ARMCX4: variants seen among roughly 807,000 people sequenced by gnomAD.
ARMCX4 encodes the protein armadillo repeat containing X-linked 4.
ARMCX4 carries 3 observed loss-of-function variants against 34.7 expected under a neutral mutation model. That is an observed-to-expected ratio of 0.09 (90% CI 0.04 to 0.22). The LOEUF is 0.22. Ranked by LOEUF, ARMCX4 falls within the 10% of genes least tolerant of loss-of-function variation. The probability of loss-of-function intolerance (pLI) is 1.00; values close to 1 mark genes in which losing one functional copy is unlikely to be tolerated. For missense variants in ARMCX4, 1,448 were observed against 1,720.8 expected (o/e 0.84, Z 2.81); for synonymous variants, 513 against 632.8 (o/e 0.81, Z 2.84).
chrX:101,432,784 A>G (rs1394114231), intron 2 of ARMCX4, among the ~76,000 whole-genome samples: 1 of 62,069 alleles, frequency 1.6e-5, no homozygotes, highest in Admixed American at 1.7e-4. Context: ...ACATATATGT[A>G]TATACACATA....
In ARMCX4 at chrX:101,421,925, C is replaced by T. The variant is rs186421211; in HGVS notation, n.164+2925C>T. On this transcript the variant is annotated intron_variant and non_coding_transcript_variant, in intron 2 of 3. Coordinates refer to the ARMCX4 transcript ENST00000430461. ...GAAGAAAGAGTAATTCACACACAGC[C>T]GGCTGTGCAGGAGACCAGAGTTTTG... is the stretch of plus-strand genomic sequence containing the variant. 7.5e-3 allele frequency among the ~76,000 whole-genome samples: 821 copies of T among 109,505 alleles called. 5 individuals are homozygous for T. The highest frequency in any genetic ancestry group is 0.024 in the African/African-American group (723 of 30,024).
intron 11 of ARMCX4, among the ~76,000 whole-genome samples, chrX:101,524,602 C>T (rs1934924265): frequency 8.9e-6 from 1 of 111,761 alleles, no homozygotes; most frequent in Admixed American, 9.4e-5. Flanking sequence ...CGGGACACTC[C>T]CGCCCTAATA....
At chrX:101,532,265 A>G (rs782283799) in intron 12 of ARMCX4, 1 of 111,407 alleles carries the variant, frequency 9.0e-6, no homozygotes, top group South Asian at 3.8e-4. Context: ...GGCCCTTTTC[A>G]CTATTGCACC....
chrX:101,439,461 T>C (rs1341975672), intron 2 of ARMCX4, among the ~76,000 whole-genome samples: 5 of 111,267 alleles, frequency 4.5e-5, no homozygotes, highest in Non-Finnish European at 9.4e-5. Context: ...TGTCTTGGAG[T>C]TGCTCTTCTT....
chrX:101,521,512 G>A (rs190032386), intron 11 of ARMCX4, among the ~76,000 whole-genome samples: 4 of 109,984 alleles, frequency 3.6e-5, no homozygotes, highest in Admixed American at 1.9e-4. Context: ...GCCAGACTTT[G>A]GTTCTATTGG....
At chrX:101,486,473 C>T (rs979858344) in intron 2 of ARMCX4, among the ~76,000 whole-genome samples, 4 of 110,385 alleles carry the variant, frequency 3.6e-5, no homozygotes, top group African/African-American at 6.6e-5. Flanking sequence ...TTGAAAGGGA[C>T]GTGGACAGCA....
chrX:101,514,588 T>C (rs1455793411), intron 11 of ARMCX4, among the ~76,000 whole-genome samples: 3 of 112,160 alleles, frequency 2.7e-5, no homozygotes, highest in Non-Finnish European at 5.6e-5. Flanking sequence ...GAATACCATA[T>C]AGTGAATAAA....
chrX:101,451,634 C>T (rs897993042), downstream of ARMCX4, among the ~76,000 whole-genome samples: 1 of 111,554 alleles, frequency 9.0e-6, no homozygotes, highest in African/African-American at 3.3e-5. Flanking sequence ...GCCTTCTATC[C>T]AGCCATCTTG....
Position 101,493,520 on chromosome X carries a change from G to C in ARMCX4, c.4931G>C (p.Gly1644Ala). ...SWAGTGNQSS[G>A]RSWIGPGDQA... is the part of the protein sequence containing the mutation. Reference sequence around the variant, plus strand: ...GCTGGCACTGGGAATCAGTCCAGTGGAAGGTCCTGGATTGGGCCTGGGGAT... The same window carrying C: ...GCTGGCACTGGGAATCAGTCCAGTGCAAGGTCCTGGATTGGGCCTGGGGAT... Residue 1644 changes from glycine to alanine, a missense_variant, in exon 6 of 6, where the codon GGA (glycine) becomes GCA (alanine). Physicochemically the swap from Gly to Ala is moderately conservative, Grantham distance 60 (BLOSUM62 0). Transcript: ENST00000423738. The C allele has an allele frequency of 3.5e-6, 4 of 1,155,271 alleles. No individual in the cohort carries two copies. Among genetic ancestry groups the C allele is most frequent in the Non-Finnish European group, 3.4e-6 (3 of 872,576 alleles).
At chrX:101,444,326 G>A (rs1931497744) in intron 3 of ARMCX4, among the ~76,000 whole-genome samples, 1 of 113,019 alleles carries the variant, frequency 8.8e-6, no homozygotes, top group Admixed American at 9.3e-5. Context: ...CATGACCTTG[G>A]TCTGCCATTA....
At position 101,494,029 on chromosome X, in the gene ARMCX4, G is replaced by GGGGCTGAGGCTC. The variant is rs1934089280; in HGVS notation, c.5451_5452insCGGGCTGAGGCT (p.Ala1817_Gly1818insArgAlaGluAla). 1.9e-5 allele frequency: 9 copies of GGGGCTGAGGCTC among 479,155 alleles called. No individual in the cohort carries two copies. The highest frequency in any genetic ancestry group is 4.4e-5 in the Admixed American group (1 of 22,878). The allele number at this position is 479,155 out of a possible 1,213,427, so 39.5% of individuals were successfully genotyped here. On this transcript the variant is annotated inframe_insertion, in exon 6 of 6. Transcript: ENST00000423738. ...CTGTGTAGGGGCTGAGGCTGGGGCT[G>GGGGCTGAGGCTC]GGGCTGAGGCTGGGGCTGGGGCTGA... is the stretch of plus-strand genomic sequence containing the variant.
At chrX:101,451,165 C>T (rs952392016), downstream of ARMCX4, among the ~76,000 whole-genome samples, 1 of 111,106 alleles carries the variant, frequency 9.0e-6, no homozygotes, top group Non-Finnish European at 1.9e-5. Context: ...TTGGCCTAGA[C>T]TGTCTTTCAA....
chrX:101,447,474 G>T (rs1555998293), downstream of ARMCX4: 1 of 111,829 alleles, frequency 8.9e-6, no homozygotes, highest in East Asian at 2.8e-4. Flanking sequence ...CCCTGACAAG[G>T]TTTCTCTTGA....
At chrX:101,502,204 A>G (rs914851496) in intron 7 of ARMCX4, among the ~76,000 whole-genome samples, 10 of 111,943 alleles carry the variant, frequency 8.9e-5, no homozygotes, top group Non-Finnish European at 1.7e-4. Context: ...CCACCAAGGT[A>G]TAAGGTTGAG....
intron 10 of ARMCX4, chrX:101,511,014 T>A (rs1342870509): frequency 9.0e-6 from 1 of 111,686 alleles, no homozygotes; most frequent in Non-Finnish European, 1.9e-5. Flanking sequence ...TATGATTTTT[T>A]AATTTTGTAG....
At chrX:101,515,343 T>TTTTC (rs782364891) in intron 11 of ARMCX4, among the ~76,000 whole-genome samples, 341 of 17,008 alleles carry the variant, frequency 0.02, 52 homozygotes, top group South Asian at 0.046. Context: ...TTTCCTTTCC[T>TTTTC]TTTCTTTCTT....
At chrX:101,457,709 G>A (rs782742844) in intron 4 of ARMCX4, among the ~76,000 whole-genome samples, 1 of 110,802 alleles carries the variant, frequency 9.0e-6, no homozygotes, top group East Asian at 2.9e-4. Flanking sequence ...GCAACAAAGC[G>A]AGACTGCATC....
rs782746374 is a variant in ARMCX4 at position 101,445,212 on chromosome X, C to T, written n.269-786C>T. ...CATTCTCATGCCAAAGTATCTCCAA[C>T]CCCAGCCAATGGTATATTTGCTATC... On this transcript the variant is annotated intron_variant and non_coding_transcript_variant, in intron 3 of 3. Coordinates refer to the ARMCX4 transcript ENST00000430461. Among the ~76,000 whole-genome samples, 4 of 112,200 alleles carry T rather than the reference C, an allele frequency of 3.6e-5. No individual in the cohort carries two copies. In the East Asian group the frequency reaches 8.4e-4, roughly 23 times the overall value.
At chrX:101,434,313 G>A (rs192215605) in intron 2 of ARMCX4, among the ~76,000 whole-genome samples, 1 of 106,585 alleles carries the variant, frequency 9.4e-6, no homozygotes, top group East Asian at 3.0e-4. Flanking sequence ...GAGGGCAGTG[G>A]CATGATCTCT....
Sources: allele counts gnomAD v4.1 joint callset (sites outside exome capture counted in the v4.1 genomes callset), GRCh38; gene constraint gnomAD v4.1.1; transcripts MANE v1.5; gene names NCBI Gene and HGNC (gene_info 2026-07-23, HGNC 2026-07-21).